The following ASXL2 variants were observed in gnomAD, a reference collection of about 807,000 sequenced individuals.
The protein encoded by ASXL2 is ASXL transcriptional regulator 2.
A neutral mutation model predicts 122.0 loss-of-function variants in ASXL2; 23 were observed. That is an observed-to-expected ratio of 0.19 (90% confidence interval 0.14 to 0.27). ASXL2 has a LOEUF of 0.27. ASXL2 is among the 10% of genes least tolerant of loss of function. ASXL2 has a pLI of 1.00. For synonymous variants in ASXL2, 650 were observed against 637.0 expected, an observed-to-expected ratio of 1.02 and a Z score of -0.31; for missense variants, 1,518 against 1,713.8, an observed-to-expected ratio of 0.89 and a Z score of 2.02.
intron 1 of ASXL2, among the ~76,000 whole-genome samples, chr2:25,855,109 T>C (rs2149197511): frequency 6.6e-6 from 1 of 152,372 alleles, no homozygotes; most frequent in African/African-American, 2.4e-5. Context: ...TTTTGACAGA[T>C]ACCTCAAAGT....
chr2:25,780,604 C>G (rs1359610454), intron 5 of ASXL2, among the ~76,000 whole-genome samples: 2 of 152,148 alleles, frequency 1.3e-5, no homozygotes, highest in East Asian at 3.9e-4. Flanking sequence ...CACCATACGT[C>G]CTGTAGGTGA....
chr2:25,856,002 T>C (rs1366762094), intron 1 of ASXL2, among the ~76,000 whole-genome samples: 2 of 151,706 alleles, frequency 1.3e-5, no homozygotes, highest in Non-Finnish European at 2.9e-5. Flanking sequence ...CAAGCAATTC[T>C]CTGACCTCAG....
At position 25,744,021 on chromosome 2, in the gene ASXL2, T is replaced by C. The variant is rs1210273321; in HGVS notation, c.2316A>G (p.Gln772=). ...QAQPHSVSGA[Q]LQQTPPVPPT... is the part of the protein sequence containing the mutation. ...GAGGCACTGGGGGGGTTTGCTGTAGTTGTGCTCCAGAGACACTATGAGGCT... is the reference window on the plus strand; with the variant it reads ...GAGGCACTGGGGGGGTTTGCTGTAGCTGTGCTCCAGAGACACTATGAGGCT... Residue 772 remains glutamine (Q), a synonymous_variant, in exon 13 of 13, where the codon CAA becomes CAG. Transcript: ENST00000435504. The surrounding 1 kb of genome is among the most constrained non-coding windows in gnomAD (Gnocchi z 4.7). 6.2e-7 allele frequency: 1 copy of C among 1,614,002 alleles called. No homozygotes were observed. Among genetic ancestry groups the C allele is most frequent in the Non-Finnish European group, 8.5e-7 (1 of 1,179,864 alleles).
At chr2:25,777,879 A>G (rs1249171320) in intron 5 of ASXL2, among the ~76,000 whole-genome samples, 1 of 152,172 alleles carries the variant, frequency 6.6e-6, no homozygotes, top group Non-Finnish European at 1.5e-5. Flanking sequence ...TGGCATCCTT[A>G]TGATATTTTT....
chr2:25,810,744 C>T, intron 3 of ASXL2: 1 of 589,480 alleles, frequency 1.7e-6, no homozygotes, highest in Non-Finnish European at 3.2e-6. Context: ...TCAAGTCTTG[C>T]CTTGAGCCAG....
At position 25,878,159 on chromosome 2, in the gene ASXL2, C is replaced by T. The variant is rs759737361; in HGVS notation, c.57+7G>A. ...CCCGGCCTTCCCCTTCGCTCCCTCCCCCTTACCGTCTTGGCGGCCTCCGCC... is the reference window on the plus strand; with the variant it reads ...CCCGGCCTTCCCCTTCGCTCCCTCCTCCTTACCGTCTTGGCGGCCTCCGCC... On this transcript the variant is annotated splice_region_variant and intron_variant, in intron 1 of 12. Transcript: ENST00000435504. The T allele has an allele frequency of 6.2e-6, 10 of 1,613,822 alleles. No homozygotes were observed. Among genetic ancestry groups the T allele is most frequent in the African/African-American group, 4.0e-5 (3 of 74,948 alleles).
intron 5 of ASXL2, among the ~76,000 whole-genome samples, chr2:25,774,510 A>G (rs2088515087): frequency 3.9e-5 from 6 of 152,056 alleles, no homozygotes; most frequent in Admixed American, 3.9e-4. Flanking sequence ...ATGTCTTTTT[A>G]CATTCTGTAG....
chr2:25,845,546 G>T lies in ASXL2; in HGVS notation c.75C>A (p.Pro25=). Residue 25 remains proline (P), a synonymous_variant, in exon 2 of 13, where the codon CCC becomes CCA. Coordinates refer to ENST00000435504, the MANE Select transcript of ASXL2 (RefSeq NM_018263.6). The part of the protein sequence containing the change: ...EAAKTVLEKY[P]NTPMSHKEIL... ...TTTCTTTATGACTCATGGGTGTATT[G>T]GGGTATTTTTCTAAGACCTGAAAAA... 6.9e-7 allele frequency: 1 copy of T among 1,440,480 alleles called. No homozygotes were observed. The highest frequency in any genetic ancestry group is 2.6e-5 in the East Asian group (1 of 38,400). 89.2% of individuals were successfully genotyped at this position (1,440,480 alleles called of 1,614,324 possible).
chr2:25,769,993 T>C (rs763860986), intron 6 of ASXL2, among the ~76,000 whole-genome samples: 3 of 152,214 alleles, frequency 2.0e-5, no homozygotes, highest in Non-Finnish European at 4.4e-5. Flanking sequence ...ACAAAGTACA[T>C]AAAATGGCAG....
At chr2:25,798,640 T>C (rs996973476) in intron 5 of ASXL2, among the ~76,000 whole-genome samples, 2 of 152,118 alleles carry the variant, frequency 1.3e-5, no homozygotes, top group Admixed American at 1.3e-4. Flanking sequence ...GGCAGGCACC[T>C]GTAATCCCAG....
chr2:25,787,805 T>C (rs757829553), intron 5 of ASXL2, among the ~76,000 whole-genome samples: 1 of 152,170 alleles, frequency 6.6e-6, no homozygotes, highest in Non-Finnish European at 1.5e-5. Flanking sequence ...AACTGATCTA[T>C]AGATTCAATG....
chr2:25,808,021 A>ACACACACACACACACACT (rs766637532), intron 3 of ASXL2, among the ~76,000 whole-genome samples: 2 of 148,516 alleles, frequency 1.3e-5, no homozygotes, highest in African/African-American at 5.0e-5. Flanking sequence ...ACACACACAC[A>ACACACACACACACACACT]CTCTCCACCC....
intron 3 of ASXL2, among the ~76,000 whole-genome samples, chr2:25,834,994 T>C (rs2089492178): frequency 1.3e-5 from 2 of 152,102 alleles, no homozygotes; most frequent in Admixed American, 1.3e-4. Flanking sequence ...AGCTAATTTT[T>C]GGATTTTTTA....
At chr2:25,863,240 G>C (rs2089860197) in intron 1 of ASXL2, among the ~76,000 whole-genome samples, 1 of 151,308 alleles carries the variant, frequency 6.6e-6, no homozygotes, top group African/African-American at 2.4e-5. Context: ...TAAGGCAGGA[G>C]AATCGCTTGA....
chr2:25,877,577 C>T (rs1048201737), intron 1 of ASXL2, among the ~76,000 whole-genome samples: 3 of 152,146 alleles, frequency 2.0e-5, no homozygotes, highest in African/African-American at 7.2e-5. Context: ...CTACAAGTCC[C>T]ACCTGTTACT....
chr2:25,751,279 G>A (rs962363364), intron 11 of ASXL2, among the ~76,000 whole-genome samples: 2 of 152,160 alleles, frequency 1.3e-5, no homozygotes, highest in African/African-American at 4.8e-5. Context: ...TTCTATAAAA[G>A]CTGACAAAAA....
rs1432136272 is a variant in ASXL2 at position 25,753,722 on chromosome 2, G to A, written c.1037-83C>T. 4.8e-5 allele frequency: 51 copies of A among 1,065,610 alleles called. 1 individual carries two copies. Among genetic ancestry groups the A allele is most frequent in the South Asian group, 4.4e-4 (32 of 72,138 alleles). The allele number at this position is 1,065,610 out of a possible 1,614,324, so 66.0% of individuals were successfully genotyped here. On this transcript the variant is annotated intron_variant, in intron 10 of 12. Transcript: ENST00000435504. ...TATTTATAAATCATGAAAGACTCAC[G>A]CAGGAATTGGAATACTACCATGTGA...
At chr2:25,811,590 T>C (rs1346369326) in intron 3 of ASXL2, among the ~76,000 whole-genome samples, 3 of 152,020 alleles carry the variant, frequency 2.0e-5, no homozygotes, top group Non-Finnish European at 4.4e-5. Flanking sequence ...ATAAAATGTA[T>C]AATAAGAAGC....
At chr2:25,812,155 A>C (rs1444489877) in intron 3 of ASXL2, among the ~76,000 whole-genome samples, 1 of 140,512 alleles carries the variant, frequency 7.1e-6, no homozygotes, top group Non-Finnish European at 1.6e-5. Context: ...GTGAGTCTAT[A>C]ATTATTTCAA....
Sources: gnomAD v4.1 joint callset for allele counts (sites outside exome capture counted in the v4.1 genomes callset) on GRCh38, gnomAD v4.1.1 for gene constraint, Gnocchi (gnomAD v3.1) non-coding constraint, MANE v1.5 for transcripts, NCBI Gene and HGNC (gene_info 2026-07-23, HGNC 2026-07-21) for gene names.